The following DNAJC1 variants were observed in gnomAD, a reference collection of about 807,000 sequenced individuals.
DNAJC1 encodes the protein dnaJ homolog subfamily C member 1.
A neutral mutation model predicts 76.6 loss-of-function variants in DNAJC1; 58 were observed. The ratio of observed to expected loss-of-function variants is 0.76; its 90% CI spans 0.61 to 0.94. The LOEUF (loss-of-function observed/expected upper bound fraction) is 0.94, where lower values mean the gene tolerates loss of function less well. Among genes scored for constraint, DNAJC1 ranks in the 40% least tolerant of loss-of-function variants. DNAJC1 has a pLI of 0.00. For missense variants in DNAJC1, 689 were observed against 677.3 expected (o/e 1.02, Z -0.19); for synonymous variants, 258 against 267.9 (o/e 0.96, Z 0.36).
At chr10:21,834,450 C>T (rs747801759) in intron 8 of DNAJC1, among the ~76,000 whole-genome samples, 34 of 152,302 alleles carry the variant, frequency 2.2e-4, no homozygotes, top group Admixed American at 6.5e-4. Context: ...GTTCATCTCA[C>T]TGGGGAGTAC....
chr10:21,892,235 A>T (rs1469456289), intron 7 of DNAJC1, among the ~76,000 whole-genome samples: 3 of 152,052 alleles, frequency 2.0e-5, no homozygotes, highest in Non-Finnish European at 4.4e-5. Context: ...AAAGAAGAAA[A>T]CAAAGAAATG....
At chr10:21,899,366 G>C (rs1836605115) in intron 7 of DNAJC1, among the ~76,000 whole-genome samples, 1 of 152,206 alleles carries the variant, frequency 6.6e-6, no homozygotes, top group Admixed American at 6.5e-5. Context: ...CACTTCTATG[G>C]CACCTCACGA....
chr10:21,966,910 C>T (rs1837900423), intron 1 of DNAJC1, among the ~76,000 whole-genome samples: 1 of 151,966 alleles, frequency 6.6e-6, no homozygotes, highest in African/African-American at 2.4e-5. Flanking sequence ...TGGTCTCGAA[C>T]TCCTGACCTT....
At chr10:21,932,173 C>A (rs933022579) in intron 1 of DNAJC1, among the ~76,000 whole-genome samples, 3 of 150,400 alleles carry the variant, frequency 2.0e-5, no homozygotes, top group Non-Finnish European at 4.4e-5. Flanking sequence ...CCCATCTGTG[C>A]AAAAAAAAAT....
At chr10:21,884,288 C>T (rs1836333030) in intron 7 of DNAJC1, among the ~76,000 whole-genome samples, 2 of 151,928 alleles carry the variant, frequency 1.3e-5, no homozygotes, top group Admixed American at 1.3e-4. Context: ...CAATTGAGTG[C>T]CCACGTGGCT....
rs112507630 is a variant in DNAJC1, at chr10:21,845,356, C to CT, written c.978+36925dup. On this transcript the variant is annotated intron_variant, in intron 8 of 11. Transcript: ENST00000376980. The stretch of plus-strand genomic sequence containing the variant: ...TGCATAAACTACATAAAAATTAGAA[C>CT]TTTTTTTTTTTTTTTTGAGACTGGG... Among the ~76,000 whole-genome samples the CT allele has an allele frequency of 3.8e-3, 531 of 141,182 alleles. 5 individuals are homozygous for CT. Among genetic ancestry groups the CT allele is most frequent in the African/African-American group, 0.01 (402 of 38,554 alleles). 92.6% of individuals were successfully genotyped at this position (141,182 alleles called of 152,430 possible).
chr10:21,951,628 G>A (rs1310811532), intron 1 of DNAJC1, among the ~76,000 whole-genome samples: 2 of 151,998 alleles, frequency 1.3e-5, no homozygotes, highest in African/African-American at 4.8e-5. Flanking sequence ...TTTGTCCAGA[G>A]AGACTCAAGT....
intron 3 of DNAJC1, among the ~76,000 whole-genome samples, chr10:21,923,801 A>G (rs1220474373): frequency 6.6e-6 from 1 of 151,962 alleles, no homozygotes; most frequent in Non-Finnish European, 1.5e-5. Context: ...TTCATCAAAC[A>G]TATTTAGGCT....
chr10:21,885,977 A>G (rs978763402), intron 7 of DNAJC1, among the ~76,000 whole-genome samples: 2 of 152,112 alleles, frequency 1.3e-5, no homozygotes, highest in Non-Finnish European at 2.9e-5. Context: ...ACAAAACATA[A>G]CCAAAATCAG....
At chr10:21,808,619 T>C (rs1306226500) in intron 8 of DNAJC1, among the ~76,000 whole-genome samples, 2 of 152,096 alleles carry the variant, frequency 1.3e-5, no homozygotes, top group Non-Finnish European at 2.9e-5. Context: ...TCCTCGGCAA[T>C]AGTTAGTTGT....
chr10:21,990,344 C>G (rs1419316129), intron 1 of DNAJC1, among the ~76,000 whole-genome samples: 1 of 151,978 alleles, frequency 6.6e-6, no homozygotes, highest in Non-Finnish European at 1.5e-5. Context: ...ACAATGAAAA[C>G]AAGTAGCCCC....
At chr10:21,782,463 C>T (rs1256359651) in intron 9 of DNAJC1, among the ~76,000 whole-genome samples, 2 of 152,164 alleles carry the variant, frequency 1.3e-5, no homozygotes, top group East Asian at 1.9e-4. Context: ...ACCAGAGGTA[C>T]AAGGAGGAGC....
At chr10:21,931,110 TC>T in intron 1 of DNAJC1, among the ~76,000 whole-genome samples, 1 of 152,336 alleles carries the variant, frequency 6.6e-6, no homozygotes, top group East Asian at 1.9e-4. Context: ...CAGACGGCTC[TC>T]CTACTCTAAA....
At chr10:21,837,691 G>A (rs1431568275) in intron 8 of DNAJC1, among the ~76,000 whole-genome samples, 1 of 151,722 alleles carries the variant, frequency 6.6e-6, no homozygotes, top group Non-Finnish European at 1.5e-5. Context: ...CCCCGTCTGG[G>A]AAGTGAGGAG....
At chr10:21,822,281 A>C (rs948382726) in intron 8 of DNAJC1, among the ~76,000 whole-genome samples, 1 of 151,816 alleles carries the variant, frequency 6.6e-6, no homozygotes, top group Admixed American at 6.6e-5. Flanking sequence ...TCTACTAAAA[A>C]CACAAAAATT....
chr10:21,833,482 T>C (rs1835395546), intron 8 of DNAJC1, among the ~76,000 whole-genome samples: 1 of 151,858 alleles, frequency 6.6e-6, no homozygotes, highest in Admixed American at 6.6e-5. Flanking sequence ...AAAAATAAAA[T>C]AAAAATAAAT....
chr10:21,937,306 G>A (rs563513383), intron 1 of DNAJC1, among the ~76,000 whole-genome samples: 70 of 152,206 alleles, frequency 4.6e-4, no homozygotes, highest in African/African-American at 1.5e-3. Flanking sequence ...GTAATTAAAA[G>A]AGAGCTGGTA....
At chr10:21,938,843 T>C (rs542794032) in intron 1 of DNAJC1, among the ~76,000 whole-genome samples, 3 of 152,182 alleles carry the variant, frequency 2.0e-5, no homozygotes, top group African/African-American at 7.2e-5. Context: ...AAAGATCTTA[T>C]CCAGGATCTG....
chr10:21,989,253 T>C (rs1838294951), intron 1 of DNAJC1, among the ~76,000 whole-genome samples: 1 of 152,098 alleles, frequency 6.6e-6, no homozygotes, highest in East Asian at 1.9e-4. Flanking sequence ...AAATGTAGCT[T>C]TTAAAAATGT....
Sources: allele counts gnomAD v4.1 joint callset (sites outside exome capture counted in the v4.1 genomes callset), GRCh38; gene constraint gnomAD v4.1.1; transcripts MANE v1.5; gene names NCBI Gene and HGNC (gene_info 2026-07-23, HGNC 2026-07-21).